LRFN5: variants seen among roughly 807,000 people sequenced by gnomAD.
LRFN5 encodes leucine-rich repeat and fibronectin type-III domain-containing protein 5.
In LRFN5, 24 loss-of-function variants were observed where a neutral mutation model predicts 45.6. The ratio of observed to expected loss-of-function variants is 0.53; its 90% CI spans 0.38 to 0.74. The LOEUF (loss-of-function observed/expected upper bound fraction) is 0.74, where lower values mean the gene tolerates loss of function less well. Ranked by LOEUF, LRFN5 falls within the 30% of genes least tolerant of loss-of-function variation. The pLI, the probability that LRFN5 is intolerant of heterozygous loss-of-function variation, is 0.00. For missense variants in LRFN5, 776 were observed against 861.5 expected, an observed-to-expected ratio of 0.90 and a Z score of 1.24; for synonymous variants, 340 against 313.8, an observed-to-expected ratio of 1.08 and a Z score of -0.88.
intron 2 of LRFN5, among the ~76,000 whole-genome samples, chr14:41,774,179 A>G (rs950342059): frequency 2.6e-5 from 4 of 152,226 alleles, no homozygotes; most frequent in African/African-American, 9.6e-5. Context: ...CTTAATTGCA[A>G]AGCATTGGCT....
intron 2 of LRFN5, among the ~76,000 whole-genome samples, chr14:41,770,914 T>G (rs1456676433): frequency 2.0e-5 from 3 of 151,940 alleles, no homozygotes; most frequent in African/African-American, 7.2e-5. Context: ...GCTCCACTCT[T>G]GTGGCAAGCT....
At chr14:41,726,343 C>G (rs1257592484) in intron 1 of LRFN5, among the ~76,000 whole-genome samples, 2 of 152,100 alleles carry the variant, frequency 1.3e-5, no homozygotes, top group African/African-American at 4.8e-5. Context: ...TTAAAACTTT[C>G]CTAAGTTATA....
chr14:41,750,121 T>C (rs1885068581), intron 1 of LRFN5, among the ~76,000 whole-genome samples: 1 of 151,886 alleles, frequency 6.6e-6, no homozygotes, highest in Non-Finnish European at 1.5e-5. Flanking sequence ...CTAGAAAAAT[T>C]GTGTGTAAGT....
intron 1 of LRFN5, among the ~76,000 whole-genome samples, chr14:41,741,828 C>CA (rs1372616682): frequency 7.5e-6 from 1 of 133,424 alleles, no homozygotes; most frequent in African/African-American, 2.7e-5. Flanking sequence ...AAAAAAAAAC[C>CA]AAAAAACTAA....
intron 1 of LRFN5, among the ~76,000 whole-genome samples, chr14:41,750,920 C>T (rs1367774069): frequency 6.6e-6 from 1 of 151,958 alleles, no homozygotes; most frequent in Non-Finnish European, 1.5e-5. Flanking sequence ...TTTGCTGCAC[C>T]CATCAACCCA....
chr14:41,733,911 G>A (rs1884288864), intron 1 of LRFN5, among the ~76,000 whole-genome samples: 1 of 150,494 alleles, frequency 6.6e-6, no homozygotes, highest in Non-Finnish European at 1.5e-5. Context: ...GAAGTATTCT[G>A]TTGTTATTGT....
At chr14:41,769,092 A>AC (rs1885989378) in intron 2 of LRFN5, among the ~76,000 whole-genome samples, 1 of 152,000 alleles carries the variant, frequency 6.6e-6, no homozygotes. Context: ...AAAAAAAAAA[A>AC]CAGAAAGTAA....
intron 2 of LRFN5, among the ~76,000 whole-genome samples, chr14:41,781,617 A>G (rs1566437336): frequency 1.3e-5 from 1 of 78,508 alleles, no homozygotes; most frequent in Non-Finnish European, 2.4e-5. Context: ...AGAAAGAAAG[A>G]GAAAGAAAGA....
chr14:41,626,653 A>G (rs1383465699), intron 1 of LRFN5, among the ~76,000 whole-genome samples: 2 of 152,202 alleles, frequency 1.3e-5, no homozygotes, highest in East Asian at 1.9e-4. Context: ...GTGCATCTCT[A>G]CGTCTGGCCC....
At chr14:41,897,097 TAAATAAATAAA>T (rs1005825399) in intron 4 of LRFN5, among the ~76,000 whole-genome samples, 1 of 134,912 alleles carries the variant, frequency 7.4e-6, no homozygotes, top group African/African-American at 2.7e-5. Flanking sequence ...TCAAAATAAA[TAAATAAATAAA>T]TAAATAAATA....
intron 1 of LRFN5, among the ~76,000 whole-genome samples, chr14:41,661,824 G>T (rs1043431987): frequency 2.6e-5 from 4 of 151,982 alleles, no homozygotes; most frequent in Admixed American, 2.6e-4. Context: ...GGAAAAAATA[G>T]AACAACAATA....
chr14:41,746,309 C>G (rs1884916480), intron 1 of LRFN5, among the ~76,000 whole-genome samples: 1 of 151,796 alleles, frequency 6.6e-6, no homozygotes, highest in African/African-American at 2.4e-5. Context: ...CTATCTTTTC[C>G]TGATACAAAA....
At chr14:41,675,222 A>G (rs949567553) in intron 1 of LRFN5, among the ~76,000 whole-genome samples, 5 of 152,326 alleles carry the variant, frequency 3.3e-5, no homozygotes, top group Non-Finnish European at 4.4e-5. Context: ...AGAGGCTGCA[A>G]TCTCGGCACT....
chr14:41,851,089 A>T (rs1197996106), intron 2 of LRFN5, among the ~76,000 whole-genome samples: 1 of 151,742 alleles, frequency 6.6e-6, no homozygotes, highest in African/African-American at 2.4e-5. Flanking sequence ...TTTCAAATAG[A>T]TAACAGTTTC....
intron 1 of LRFN5, among the ~76,000 whole-genome samples, chr14:41,633,730 T>C (rs1446736451): frequency 6.6e-6 from 1 of 152,192 alleles, no homozygotes; most frequent in Non-Finnish European, 1.5e-5. Context: ...GTAATTTTTG[T>C]AAATGTTGCC....
chr14:41,809,386 T>A (rs1887661205), intron 2 of LRFN5, among the ~76,000 whole-genome samples: 1 of 151,760 alleles, frequency 6.6e-6, no homozygotes, highest in Admixed American at 6.6e-5. Context: ...AACTCTTTTA[T>A]TTTTTTTAAT....
intron 2 of LRFN5, among the ~76,000 whole-genome samples, chr14:41,851,298 A>G (rs1033190074): frequency 2.1e-5 from 3 of 141,668 alleles, no homozygotes; most frequent in African/African-American, 7.9e-5. Flanking sequence ...TACTAACATG[A>G]ATTACATTCT....
chr14:41,776,111 A>G (rs1034733113), intron 2 of LRFN5, among the ~76,000 whole-genome samples: 1 of 152,250 alleles, frequency 6.6e-6, no homozygotes. Context: ...TATATTTATC[A>G]TAACATACAT....
At chr14:41,751,455 G>A (rs894279499) in intron 1 of LRFN5, among the ~76,000 whole-genome samples, 4 of 151,992 alleles carry the variant, frequency 2.6e-5, no homozygotes, top group Non-Finnish European at 4.4e-5. Context: ...ATGCACATAT[G>A]TATTGGCTTA....
Sources: gnomAD v4.1 joint callset for allele counts (sites outside exome capture counted in the v4.1 genomes callset) on GRCh38, gnomAD v4.1.1 for gene constraint, MANE v1.5 for transcripts, NCBI Gene and HGNC (gene_info 2026-07-23, HGNC 2026-07-21) for gene names.